PLXDC2: variants seen among roughly 807,000 people sequenced by gnomAD.
PLXDC2 encodes plexin domain-containing protein 2.
A neutral mutation model predicts 68.9 loss-of-function variants in PLXDC2; 40 were observed. The observed-to-expected ratio is 0.58, with a 90% CI of 0.45 to 0.76. PLXDC2 has a LOEUF of 0.76. Among genes scored for constraint, PLXDC2 ranks in the 30% least tolerant of loss-of-function variants. The pLI, the probability that PLXDC2 is intolerant of heterozygous loss-of-function variation, is 0.00. For missense variants in PLXDC2, 644 were observed against 661.9 expected (o/e 0.97, Z 0.30); for synonymous variants, 243 against 234.2 (o/e 1.04, Z -0.34).
chr10:20,065,714 G>A (rs1191768154), intron 3 of PLXDC2, among the ~76,000 whole-genome samples: 1 of 152,192 alleles, frequency 6.6e-6, no homozygotes, highest in African/African-American at 2.4e-5. Context: ...CTCATAAGGA[G>A]CATGCAACCT....
At chr10:20,073,475 T>C (rs1302138916) in intron 4 of PLXDC2, among the ~76,000 whole-genome samples, 1 of 152,228 alleles carries the variant, frequency 6.6e-6, no homozygotes, top group East Asian at 1.9e-4. Flanking sequence ...AGCTTAAGTT[T>C]CTAGTTTAAA....
intron 1 of PLXDC2, among the ~76,000 whole-genome samples, chr10:19,947,934 A>G (rs1351061547): frequency 6.6e-6 from 1 of 152,086 alleles, no homozygotes; most frequent in Non-Finnish European, 1.5e-5. Flanking sequence ...GAACTTAACT[A>G]TTGACATGAG....
intron 13 of PLXDC2, among the ~76,000 whole-genome samples, chr10:20,263,237 G>C (rs1386861785): frequency 1.3e-5 from 2 of 152,072 alleles, no homozygotes; most frequent in African/African-American, 4.8e-5. Context: ...TGACAAAGCT[G>C]ATAAAAATAA....
At chr10:20,112,016 A>G (rs1833566232) in intron 4 of PLXDC2, among the ~76,000 whole-genome samples, 1 of 152,168 alleles carries the variant, frequency 6.6e-6, no homozygotes, top group Non-Finnish European at 1.5e-5. Flanking sequence ...AAGAGTCATT[A>G]ATGCCCTCTT....
intron 1 of PLXDC2, among the ~76,000 whole-genome samples, chr10:19,894,822 G>A (rs763838579): frequency 6.6e-6 from 1 of 152,186 alleles, no homozygotes; most frequent in African/African-American, 2.4e-5. Context: ...CTTTTACACT[G>A]TTGGTGGGAG....
chr10:20,261,838 G>C (rs11819575), intron 13 of PLXDC2, among the ~76,000 whole-genome samples: 2,383 of 147,770 alleles, frequency 0.016, 56 homozygotes, highest in African/African-American at 0.052. Context: ...TGGGCGCCAA[G>C]AGCAAAACTC....
At chr10:20,153,604 A>T (rs1021646922) in intron 6 of PLXDC2, among the ~76,000 whole-genome samples, 1 of 152,180 alleles carries the variant, frequency 6.6e-6, no homozygotes, top group African/African-American at 2.4e-5. Flanking sequence ...TCCAAAGTTG[A>T]TAAAATCTAG....
At chr10:19,916,130 TG>T (rs201760276) in intron 1 of PLXDC2, among the ~76,000 whole-genome samples, 3,396 of 133,546 alleles carry the variant, frequency 0.025, 92 homozygotes, top group African/African-American at 0.042. Context: ...AGTTGTGTTT[TG>T]TTTTGTTTTT....
intron 1 of PLXDC2, among the ~76,000 whole-genome samples, chr10:19,980,013 T>C (rs1310013177): frequency 3.3e-5 from 5 of 152,244 alleles, no homozygotes; most frequent in African/African-American, 1.2e-4. Context: ...CCATTTGAAG[T>C]AATATAAAAG....
intron 1 of PLXDC2, among the ~76,000 whole-genome samples, chr10:19,938,817 G>A (rs1485523164): frequency 6.6e-6 from 1 of 152,206 alleles, no homozygotes. Flanking sequence ...TGGGTCAGAG[G>A]AAGATTAAAC....
Position 19,912,758 on chromosome 10 carries a change from A to AC in PLXDC2, c.113-89016dup, listed in dbSNP as rs58270909. On this transcript the variant is annotated intron_variant, in intron 1 of 13. Transcript: ENST00000377252. ...CTATGAACATAAAAATTGATAAATG[A>AC]CAACAATTAAATATGATAAAATAAA... Among the ~76,000 whole-genome samples, 1,332 of 152,320 alleles carry AC rather than the reference A, an allele frequency of 8.7e-3. 14 individuals carry two copies. The highest frequency in any genetic ancestry group is 0.029 in the African/African-American group (1,219 of 41,570).
chr10:20,059,607 G>A (rs1475110030), intron 3 of PLXDC2, among the ~76,000 whole-genome samples: 2 of 152,128 alleles, frequency 1.3e-5, no homozygotes, highest in African/African-American at 2.4e-5. Flanking sequence ...TTCAGTTGAT[G>A]GACTTTATTC....
chr10:20,059,767 G>T (rs1352739899), intron 3 of PLXDC2, among the ~76,000 whole-genome samples: 2 of 148,828 alleles, frequency 1.3e-5, no homozygotes, highest in Non-Finnish European at 2.9e-5. Flanking sequence ...TATGAGAATG[G>T]TTAAAATCCC....
intron 3 of PLXDC2, 120 bp downstream of exon 3, chr10:20,047,135 G>T: frequency 2.0e-6 from 2 of 1,007,228 alleles, no homozygotes; most frequent in Non-Finnish European, 2.7e-6. Flanking sequence ...CCTTATCTGT[G>T]GTAATCGCTT....
chr10:19,841,494 A>G (rs1589495303), intron 1 of PLXDC2, among the ~76,000 whole-genome samples: 1 of 150,892 alleles, frequency 6.6e-6, no homozygotes, highest in African/African-American at 2.4e-5. Context: ...TTTATCATCT[A>G]GTGATCATAA....
chr10:20,126,419 T>G (rs1245199529), intron 4 of PLXDC2, among the ~76,000 whole-genome samples: 1 of 85,686 alleles, frequency 1.2e-5, no homozygotes, highest in African/African-American at 3.3e-5. Context: ...ACAACACACG[T>G]TATATATGTA....
chr10:19,861,486 C>T (rs1049265332), intron 1 of PLXDC2, among the ~76,000 whole-genome samples: 13 of 152,130 alleles, frequency 8.5e-5, no homozygotes, highest in African/African-American at 3.1e-4. Flanking sequence ...CCCTAGCCAC[C>T]ATGAGATTGT....
intron 6 of PLXDC2, among the ~76,000 whole-genome samples, chr10:20,161,497 A>G (rs58237484): frequency 0.016 from 2,362 of 147,934 alleles, 64 homozygotes; most frequent in African/African-American, 0.055. Context: ...CTCTTTTGCC[A>G]TATTATTGAG....
intron 1 of PLXDC2, among the ~76,000 whole-genome samples, chr10:19,979,524 G>A (rs767584106): frequency 3.7e-5 from 5 of 136,614 alleles, no homozygotes; most frequent in East Asian, 4.0e-4. Context: ...AGGCACCCAC[G>A]ACCATGCCTG....
Sources: gnomAD v4.1 joint callset for allele counts (sites outside exome capture counted in the v4.1 genomes callset) on GRCh38, gnomAD v4.1.1 for gene constraint, MANE v1.5 for transcripts, NCBI Gene and HGNC (gene_info 2026-07-23, HGNC 2026-07-21) for gene names.